GHR: variants seen among roughly 807,000 people sequenced by gnomAD.
GHR encodes the protein GH receptor.
Under a neutral mutation model 67.1 loss-of-function variants are expected in GHR, and 35 were observed. The observed-to-expected ratio is 0.52, with a 90% CI of 0.40 to 0.69. The LOEUF (loss-of-function observed/expected upper bound fraction) is 0.69. Among genes scored for constraint, GHR ranks in the 30% least tolerant of loss-of-function variants. The pLI is 0.00. For missense variants in GHR, 792 were observed against 764.6 expected, an observed-to-expected ratio of 1.04 and a Z score of -0.42; for synonymous variants, 272 against 269.1, an observed-to-expected ratio of 1.01 and a Z score of -0.10.
At chr5:42,610,460 T>C (rs1752839407) in intron 2 of GHR, among the ~76,000 whole-genome samples, 1 of 152,158 alleles carries the variant, frequency 6.6e-6, no homozygotes, top group Admixed American at 6.5e-5. Context: ...AAATCATTTA[T>C]TTTTCTCAAG....
intron 4 of GHR, 51 bp from the exon 5 acceptor site, chr5:42,694,866 C>G: frequency 7.3e-7 from 1 of 1,377,264 alleles, no homozygotes; most frequent in Non-Finnish European, 1.0e-6. Context: ...TGGACTTAAG[C>G]TACAACATGA....
intron 1 of GHR, chr5:42,565,383 T>G (rs776177236): frequency 4.6e-6 from 4 of 873,174 alleles, no homozygotes; most frequent in Non-Finnish European, 5.5e-6. Context: ...TTTGAGTGGT[T>G]TGAGCTCTTT....
chr5:42,525,283 G>A (rs1017169606), intron 1 of GHR, among the ~76,000 whole-genome samples: 10 of 152,226 alleles, frequency 6.6e-5, no homozygotes, highest in Non-Finnish European at 5.9e-5. Context: ...TTCCATCAGC[G>A]TGACCTGGAT....
intron 2 of GHR, among the ~76,000 whole-genome samples, chr5:42,597,791 C>G (rs537922281): frequency 6.6e-6 from 1 of 152,290 alleles, no homozygotes; most frequent in Admixed American, 6.5e-5. Flanking sequence ...CCAGCTCTCT[C>G]CTGCCATATC....
intron 1 of GHR, among the ~76,000 whole-genome samples, chr5:42,482,717 T>C (rs370735608): frequency 3.0e-4 from 46 of 152,366 alleles, no homozygotes; most frequent in African/African-American, 1.1e-3. Flanking sequence ...TGCCATTTTT[T>C]AAGCCCATTG....
chr5:42,537,841 T>G (rs1748328660), intron 1 of GHR, among the ~76,000 whole-genome samples: 2 of 152,176 alleles, frequency 1.3e-5, no homozygotes, highest in African/African-American at 4.8e-5. Context: ...GAACCTCCAG[T>G]GTTAGGCGCA....
At chr5:42,698,731 G>A (rs949791636) in intron 5 of GHR, among the ~76,000 whole-genome samples, 2 of 152,108 alleles carry the variant, frequency 1.3e-5, no homozygotes, top group African/African-American at 4.8e-5. Context: ...CGCTAGGGAT[G>A]CACACTCTGC....
chr5:42,538,307 A>T (rs546076140), intron 1 of GHR, among the ~76,000 whole-genome samples: 1 of 152,194 alleles, frequency 6.6e-6, no homozygotes, highest in African/African-American at 2.4e-5. Context: ...GTTCTGTTTT[A>T]ATGTTTCCAG....
In GHR at chr5:42,719,246, G is replaced by C; in HGVS notation, c.1739G>C (p.Gly580Ala). Residue 580 changes from glycine to alanine, a missense_variant, in exon 10 of 10, where the codon GGG becomes GCG. Transcript: ENST00000230882. ...ESLTTAAGRP[G>A]TGEHVPGSEM... ...CTTACCACTGCTGCTGGGAGGCCTG[G>C]GACAGGAGAACATGTTCCAGGTTCT... is the stretch of plus-strand genomic sequence containing the variant. 6.2e-7 allele frequency: 1 copy of C among 1,613,980 alleles called. No homozygotes were observed. Among genetic ancestry groups the C allele is most frequent in the South Asian group, 1.1e-5 (1 of 91,054 alleles).
chr5:42,579,096 TA>T (rs1343894433), intron 2 of GHR, among the ~76,000 whole-genome samples: 10 of 91,276 alleles, frequency 1.1e-4, no homozygotes, highest in African/African-American at 2.0e-4. Context: ...GATAGATAGA[TA>T]GATAGATAGA....
chr5:42,603,830 G>C (rs1027171879), intron 2 of GHR, among the ~76,000 whole-genome samples: 1 of 152,118 alleles, frequency 6.6e-6, no homozygotes, highest in Non-Finnish European at 1.5e-5. Flanking sequence ...CTTCTACTGA[G>C]AGATCCTACA....
chr5:42,640,653 T>C (rs1176647838), intron 3 of GHR, among the ~76,000 whole-genome samples: 2 of 152,022 alleles, frequency 1.3e-5, no homozygotes, highest in African/African-American at 2.4e-5. Flanking sequence ...AGTTTATGTT[T>C]CAAATCCCAG....
At chr5:42,620,540 T>C (rs1178241794) in intron 2 of GHR, among the ~76,000 whole-genome samples, 1 of 152,124 alleles carries the variant, frequency 6.6e-6, no homozygotes, top group Non-Finnish European at 1.5e-5. Flanking sequence ...AAAAAGAATG[T>C]AGAGATGGAT....
intron 2 of GHR, among the ~76,000 whole-genome samples, chr5:42,588,552 G>T (rs1008207765): frequency 1.8e-4 from 12 of 64,894 alleles, no homozygotes; most frequent in South Asian, 4.8e-4. Context: ...AAAAAAAAAA[G>T]TGACCTATAG....
At chr5:42,605,035 C>T (rs1449634780) in intron 2 of GHR, among the ~76,000 whole-genome samples, 2 of 148,948 alleles carry the variant, frequency 1.3e-5, no homozygotes, top group African/African-American at 5.0e-5. Flanking sequence ...GTCAAACTGG[C>T]TTTGTGTAGC....
intron 1 of GHR, among the ~76,000 whole-genome samples, chr5:42,502,814 TTTA>T (rs1472062545): frequency 6.8e-6 from 1 of 148,142 alleles, no homozygotes; most frequent in African/African-American, 2.4e-5. Flanking sequence ...TTTTTATTAA[TTTA>T]TTAATTATAA....
intron 2 of GHR, among the ~76,000 whole-genome samples, chr5:42,572,800 C>A (rs1174183835): frequency 6.6e-6 from 1 of 152,162 alleles, no homozygotes; most frequent in Non-Finnish European, 1.5e-5. Flanking sequence ...GTCTTAACCA[C>A]AGGGGAAATG....
Position 42,691,624 on chromosome 5 carries a change from G to T in GHR, c.266+2605G>T, listed in dbSNP as rs1021393254. On this transcript the variant is annotated intron_variant, in intron 4 of 9. Transcript: ENST00000230882. ...TTTTATCCAAAGTCAGAGTCAGTGG[G>T]CAGTGCAGTTGTTTCAGTTTGCTGG... is the stretch of plus-strand genomic sequence containing the variant. Among the ~76,000 whole-genome samples the T allele has an allele frequency of 2.4e-4, 36 of 152,190 alleles. 1 individual carries two copies. The highest frequency in any genetic ancestry group is 2.2e-3 in the Admixed American group (33 of 15,276).
intron 1 of GHR, among the ~76,000 whole-genome samples, chr5:42,506,375 G>A (rs1368442927): frequency 6.6e-6 from 1 of 152,150 alleles, no homozygotes; most frequent in Non-Finnish European, 1.5e-5. Context: ...AGCATAGAGA[G>A]GATAATTTAC....
Sources: allele counts gnomAD v4.1 joint callset (sites outside exome capture counted in the v4.1 genomes callset), GRCh38; gene constraint gnomAD v4.1.1; transcripts MANE v1.5; gene names NCBI Gene and HGNC (gene_info 2026-07-23, HGNC 2026-07-21).